The following CCDC42 variants were observed in gnomAD, a reference collection of about 807,000 sequenced individuals.
CCDC42 encodes the protein coiled-coil domain-containing protein 42.
Under a neutral mutation model 40.8 loss-of-function variants are expected in CCDC42, and 38 were observed. That is an observed-to-expected ratio of 0.93 (90% CI 0.72 to 1.22). The LOEUF (loss-of-function observed/expected upper bound fraction) is 1.22, where lower values mean the gene tolerates loss of function less well. CCDC42 is among the 50% of genes most tolerant of loss of function. The pLI, the probability that CCDC42 is intolerant of heterozygous loss-of-function variation, is 0.00. For synonymous variants in CCDC42, 135 were observed against 157.5 expected (o/e 0.86, Z 1.07); for missense variants, 379 against 416.5 (o/e 0.91, Z 0.78).
intron 4 of CCDC42, among the ~76,000 whole-genome samples, chr17:8,740,894 G>A (rs2086639044): frequency 6.6e-6 from 1 of 152,100 alleles, no homozygotes; most frequent in African/African-American, 2.4e-5. Context: ...GATCAGCTTG[G>A]GTTCACCCTG....
chr17:8,738,410 C>T (rs905749869), intron 4 of CCDC42, among the ~76,000 whole-genome samples: 3 of 151,322 alleles, frequency 2.0e-5, no homozygotes, highest in African/African-American at 4.9e-5. Context: ...TAAAAAATTC[C>T]GTATAAAAAG....
Position 8,735,682 on chromosome 17 carries a change from C to A in CCDC42, c.493-71G>T, listed in dbSNP as rs542691621. On this transcript the variant is annotated intron_variant, in intron 4 of 6. Coordinates refer to ENST00000293845, the MANE Select transcript of CCDC42 (RefSeq NM_144681.3). This position sits in a 1 kb window ranked among gnomAD's most constrained non-coding sequence, Gnocchi z 4.7. ...TGAGGGAGCCACCCAGTCCTGCCAA[C>A]CTCCAGCCTGGATGCCTGGACACCT... The A allele has an allele frequency of 7.9e-5, 107 of 1,346,436 alleles. 1 individual carries two copies. The South Asian group carries it at 1.4e-3, about 18-fold the overall frequency. 83.4% of individuals were successfully genotyped at this position (1,346,436 alleles called of 1,614,324 possible).
At chr17:8,744,499 G>T (rs989905260) in intron 1 of CCDC42, 28 bp downstream of exon 1, 2 of 1,588,852 alleles carry the variant, frequency 1.3e-6, no homozygotes, top group African/African-American at 1.3e-5. Context: ...GCACAGAGGG[G>T]TGGGCAAGCC....
At chr17:8,731,903 G>A (rs1461909111) in intron 6 of CCDC42, among the ~76,000 whole-genome samples, 2 of 152,224 alleles carry the variant, frequency 1.3e-5, no homozygotes, top group African/African-American at 4.8e-5. Context: ...GGTAGCTCAC[G>A]CCTGTAATCC....
chr17:8,742,110 C>T (rs1170488022), intron 3 of CCDC42, among the ~76,000 whole-genome samples: 2 of 152,098 alleles, frequency 1.3e-5, no homozygotes, highest in African/African-American at 2.4e-5. Flanking sequence ...GAGCAAGAAC[C>T]CTCCTGACAA....
At position 8,730,150 on chromosome 17, in the gene CCDC42, G is replaced by C. The variant is rs1204201530; in HGVS notation, c.931C>G (p.Gln311Glu). The C allele has an allele frequency of 6.2e-7, 1 of 1,613,880 alleles. No homozygotes were observed. The highest frequency in any genetic ancestry group is 2.2e-5 in the East Asian group (1 of 44,868). ...DIWAEVKKKE[Q>E]QRVRI ...CCTCCTTAAATCCGGACTCGCTGTT[G>C]TTCCTTCTTTTTCACCTCTGCCCAG... Residue 311 changes from glutamine (Q) to glutamate (E), a missense_variant, in exon 7 of 7, where the codon CAA becomes GAA. Gln to Glu is a conservative substitution (Grantham distance 29, BLOSUM62 2). Coordinates refer to ENST00000293845, the MANE Select transcript of CCDC42 (RefSeq NM_144681.3).
At chr17:8,741,710 C>T in intron 3 of CCDC42, 39 bp from the exon 4 acceptor site, 1 of 1,589,528 alleles carries the variant, frequency 6.3e-7, no homozygotes, top group Non-Finnish European at 8.6e-7. Flanking sequence ...GGAAGCCTCG[C>T]CCAGCCCTCC....
chr17:8,744,650 A>G lies in CCDC42; in HGVS notation c.-41T>C. 5 of 1,488,518 alleles carry G rather than the reference A, an allele frequency of 3.4e-6. No homozygotes were observed. The highest frequency in any genetic ancestry group is 4.7e-6 in the Non-Finnish European group (5 of 1,070,386). 92.2% of individuals were successfully genotyped at this position (1,488,518 alleles called of 1,614,324 possible). A position where few individuals can be genotyped will look rare whatever the true frequency, so the allele number is the denominator to read the frequency against. On this transcript the variant is annotated 5_prime_UTR_variant, in exon 1 of 7. Transcript: ENST00000293845. ...ACGGCCCAGGCAGCTGACTCTTCAC[A>G]GTGAAATTGTGGGTAGCAGAGCCAC...
chr17:8,743,344 T>C (rs200414943), intron 3 of CCDC42, among the ~76,000 whole-genome samples: 1 of 152,190 alleles, frequency 6.6e-6, no homozygotes, highest in African/African-American at 2.4e-5. Flanking sequence ...CATTCATCCA[T>C]GCATTCATTT....
chr17:8,729,956 T>A lies in CCDC42; in HGVS notation c.*174A>T. On this transcript the variant is annotated 3_prime_UTR_variant, in exon 7 of 7. Transcript: ENST00000293845. Reference sequence around the variant, plus strand: ...AGAGAACTTGAGAACAAACTTCATATAACATTCACTGTTTTCAGGGATAGA... The same window carrying A: ...AGAGAACTTGAGAACAAACTTCATAAAACATTCACTGTTTTCAGGGATAGA... 1.6e-6 allele frequency: 1 copy of A among 610,394 alleles called. No homozygotes were observed. The highest frequency in any genetic ancestry group is 2.9e-6 in the Non-Finnish European group (1 of 341,976). The allele number at this position is 610,394 out of a possible 1,614,324, so 37.8% of individuals were successfully genotyped here. A position where few individuals can be genotyped will look rare whatever the true frequency, so the allele number is the denominator to read the frequency against.
rs375806043 is a variant in CCDC42, at chr17:8,735,274, G to A, written c.715-20C>T. The A allele has an allele frequency of 1.8e-4, 295 of 1,614,062 alleles. No homozygotes were observed. The African/African-American group carries it at 2.1e-3, about 12-fold the overall frequency. On this transcript the variant is annotated intron_variant, in intron 5 of 6. Coordinates refer to ENST00000293845, the MANE Select transcript of CCDC42 (RefSeq NM_144681.3). This position sits in a 1 kb window ranked among gnomAD's most constrained non-coding sequence, Gnocchi z 4.7. ...AGATTCCTGGAGAGTGGATAAGGACGGGGCATGAGCACAGCATGTGGTGTG... is the reference window on the plus strand; with the variant it reads ...AGATTCCTGGAGAGTGGATAAGGACAGGGCATGAGCACAGCATGTGGTGTG...
chr17:8,732,298 C>CAA (rs58310263), intron 6 of CCDC42, among the ~76,000 whole-genome samples: 128 of 71,526 alleles, frequency 1.8e-3, no homozygotes, highest in Non-Finnish European at 2.1e-3. Context: ...GACTCCGTCT[C>CAA]AAAAAAAAAA....
At chr17:8,740,378 C>T (rs970481615) in intron 4 of CCDC42, among the ~76,000 whole-genome samples, 1 of 151,514 alleles carries the variant, frequency 6.6e-6, no homozygotes, top group South Asian at 2.1e-4. Context: ...ATCCCAGCTA[C>T]TCGGGAGGCT....
chr17:8,733,127 A>G (rs1177681820), intron 6 of CCDC42, among the ~76,000 whole-genome samples: 1 of 152,154 alleles, frequency 6.6e-6, no homozygotes, highest in Admixed American at 6.5e-5. Flanking sequence ...TAAGAGCTAC[A>G]GGTGGCTTTT....
chr17:8,741,166 G>T (rs1054914468), intron 4 of CCDC42, among the ~76,000 whole-genome samples: 1 of 152,092 alleles, frequency 6.6e-6, no homozygotes, highest in South Asian at 2.1e-4. Flanking sequence ...ACATAGACAC[G>T]CAACTCATGC....
At chr17:8,744,275 G>T in intron 1 of CCDC42, 91 bp from the exon 2 acceptor site, 1 of 948,914 alleles carries the variant, frequency 1.1e-6, no homozygotes, top group Non-Finnish European at 1.6e-6. Flanking sequence ...TACCCATGGG[G>T]AAGCAGAGGG....
rs1384447448 is a variant in CCDC42 at position 8,735,539 on chromosome 17, CAG to C, written c.563_564del (p.Ser188CysfsTer9). On this transcript the variant is annotated frameshift_variant, in exon 5 of 7. Transcript: ENST00000293845. LOFTEE classifies it high-confidence loss of function. This position sits in a 1 kb window ranked among gnomAD's most constrained non-coding sequence, Gnocchi z 4.7. Reference protein sequence around the residue: ...LVSMRHDLMQSAQEGQEKIER... With the variant: ...LVSMRHDLMQXAQEGQEKIER... ...TCAATCTTCTCCTGGCCTTCCTGCG[CAG>C]ACTGCATGAGGTCGTGGCGCATGCT... is the stretch of plus-strand genomic sequence containing the variant. The C allele has an allele frequency of 1.2e-6, 2 of 1,614,002 alleles. No homozygotes were observed. The highest frequency in any genetic ancestry group is 1.7e-6 in the Non-Finnish European group (2 of 1,180,036).
intron 6 of CCDC42, among the ~76,000 whole-genome samples, chr17:8,732,673 A>T (rs1328841177): frequency 6.6e-6 from 1 of 152,180 alleles, no homozygotes; most frequent in Non-Finnish European, 1.5e-5. Flanking sequence ...AGGGCATAGA[A>T]CTATAGCAAA....
At position 8,743,592 on chromosome 17, in the gene CCDC42, C is replaced by A. The variant is rs147817619; in HGVS notation, c.294+34G>T. ...TTGCCCACCTGCGGACTATGGATCC[C>A]CTGGCCACTGCGGCCGCCCACACCC... On this transcript the variant is annotated intron_variant, in intron 3 of 6. Coordinates refer to ENST00000293845, the MANE Select transcript of CCDC42 (RefSeq NM_144681.3). 34 of 1,253,118 alleles carry A rather than the reference C, an allele frequency of 2.7e-5. 1 individual carries two copies. In the Middle Eastern group the frequency reaches 9.5e-4, roughly 35 times the overall value. 77.6% of individuals were successfully genotyped at this position (1,253,118 alleles called of 1,614,324 possible).
Sources: gnomAD v4.1 joint callset for allele counts (sites outside exome capture counted in the v4.1 genomes callset) on GRCh38, gnomAD v4.1.1 for gene constraint, Gnocchi (gnomAD v3.1) non-coding constraint, MANE v1.5 for transcripts, NCBI Gene and HGNC (gene_info 2026-07-23, HGNC 2026-07-21) for gene names.